Variants in SLC25A31 observed in about 807,000 individuals in gnomAD.
SLC25A31 encodes the protein ADP/ATP translocase 4.
SLC25A31 carries 40 observed loss-of-function variants against 36.2 expected under a neutral mutation model. The observed-to-expected ratio is 1.10, with a 90% CI of 0.86 to 1.44. SLC25A31 has a LOEUF of 1.44. Among genes scored for constraint, SLC25A31 ranks in the 40% most tolerant of loss-of-function variants. The pLI is 0.00. For synonymous variants in SLC25A31, 143 were observed against 149.7 expected (o/e 0.96, Z 0.32); for missense variants, 350 against 397.1 (o/e 0.88, Z 1.01).
rs570643376 is a variant in SLC25A31, at chr4:127,763,702, T to C, written c.361-541T>C. Among the ~76,000 whole-genome samples the C allele has an allele frequency of 7.2e-5, 11 of 152,330 alleles. No homozygotes were observed. In the East Asian group the frequency reaches 2.1e-3, roughly 29 times the overall value. Reference sequence around the variant, plus strand: ...TCATTTGAACATAATTAAATACGTATTTTTGAGCTATTCAAATTTAATTCT... The same window carrying C: ...TCATTTGAACATAATTAAATACGTACTTTTGAGCTATTCAAATTTAATTCT... On this transcript the variant is annotated intron_variant, in intron 2 of 5. Coordinates refer to ENST00000281154, the MANE Select transcript of SLC25A31 (RefSeq NM_031291.4).
intron 2 of SLC25A31, among the ~76,000 whole-genome samples, chr4:127,755,865 T>C (rs1246477565): frequency 6.6e-6 from 1 of 152,158 alleles, no homozygotes; most frequent in Admixed American, 6.5e-5. Context: ...AAACTCCATC[T>C]CTACTAAAAA....
chr4:127,770,794 A>C (rs1732341897), intron 5 of SLC25A31, among the ~76,000 whole-genome samples: 1 of 152,054 alleles, frequency 6.6e-6, no homozygotes, highest in African/African-American at 2.4e-5. Context: ...TGGTTTGCTT[A>C]AACAACAAAT....
intron 2 of SLC25A31, among the ~76,000 whole-genome samples, chr4:127,754,453 A>G (rs186370735): frequency 4.9e-4 from 75 of 152,278 alleles, no homozygotes; most frequent in African/African-American, 1.6e-3. Flanking sequence ...AGGATACAAA[A>G]TTAACATGCA....
intron 2 of SLC25A31, among the ~76,000 whole-genome samples, chr4:127,754,061 A>T (rs569174361): frequency 1.5e-4 from 23 of 152,158 alleles, no homozygotes; most frequent in Non-Finnish European, 2.6e-4. Flanking sequence ...CCATAGCAGC[A>T]TCTGAGTAGA....
intron 2 of SLC25A31, among the ~76,000 whole-genome samples, chr4:127,761,274 C>T (rs559917605): frequency 3.9e-5 from 6 of 152,044 alleles, no homozygotes; most frequent in African/African-American, 9.6e-5. Flanking sequence ...TGATTATCCA[C>T]GCCAAAAATC....
intron 1 of SLC25A31, among the ~76,000 whole-genome samples, chr4:127,736,744 T>C (rs1731639746): frequency 6.6e-6 from 1 of 152,218 alleles, no homozygotes; most frequent in South Asian, 2.1e-4. Context: ...AAGAAGATAA[T>C]GCATGTAAAA....
chr4:127,741,537 G>A (rs1429864330), intron 1 of SLC25A31, among the ~76,000 whole-genome samples: 1 of 152,138 alleles, frequency 6.6e-6, no homozygotes, highest in African/African-American at 2.4e-5. Flanking sequence ...TGTGCATGTT[G>A]AGCCATCCTT....
intron 3 of SLC25A31, 85 bp downstream of exon 3, chr4:127,764,445 G>A (rs1732201560): frequency 8.8e-7 from 1 of 1,131,562 alleles, no homozygotes; most frequent in Admixed American, 1.9e-5. Context: ...TGCTATAATA[G>A]TGTTACCAGA....
intron 1 of SLC25A31, among the ~76,000 whole-genome samples, chr4:127,731,432 G>T (rs1335058481): frequency 6.6e-6 from 1 of 152,092 alleles, no homozygotes; most frequent in Non-Finnish European, 1.5e-5. Context: ...GCCAGGCGCG[G>T]TGGCTCACGC....
At chr4:127,766,144 TTTTA>T (rs1328312053) in intron 3 of SLC25A31, among the ~76,000 whole-genome samples, 1 of 92,156 alleles carries the variant, frequency 1.1e-5, no homozygotes, top group Admixed American at 1.2e-4. Context: ...CCTGGAGTTT[TTTTA>T]TTTGTTTTTT....
chr4:127,764,286 C>A lies in SLC25A31; in HGVS notation c.404C>A (p.Ala135Asp). 6.2e-7 allele frequency: 1 copy of A among 1,613,954 alleles called. No homozygotes were observed. Among genetic ancestry groups the A allele is most frequent in the Non-Finnish European group, 8.5e-7 (1 of 1,179,924 alleles). ...GCAAACCTGGCTTCTGGTGGAGCTG[C>A]TGGGGCAACATCCTTATGTGTAGTA... Reference protein sequence around the residue: ...FLANLASGGAAGATSLCVVYP... With the variant: ...FLANLASGGADGATSLCVVYP... Residue 135 changes from alanine to aspartate, a missense_variant, in exon 3 of 6, where the codon GCT becomes GAT. By Grantham distance (126) the Ala-to-Asp change is moderately radical. Transcript: ENST00000281154.
Position 127,730,769 on chromosome 4 carries a change from G to C in SLC25A31, c.224G>C (p.Arg75Pro), listed in dbSNP as rs754865784. Residue 75 changes from arginine to proline, a missense_variant, in exon 1 of 6, where the codon CGC (arginine) becomes CCC (proline). Transcript: ENST00000281154. The stretch of plus-strand genomic sequence containing the variant: ...GTGGACTGCCTGGTGCGGATTCCTC[G>C]CGAGCAGGGTGCGTCAAGGCAGGCC... The part of the protein sequence containing the change: ...GMVDCLVRIP[R>P]EQGFFSFWRG... 2 of 1,609,462 alleles carry C rather than the reference G, an allele frequency of 1.2e-6. No homozygotes were observed. Among genetic ancestry groups the C allele is most frequent in the Non-Finnish European group, 1.7e-6 (2 of 1,176,848 alleles).
rs1243578074 is a variant in SLC25A31, at chr4:127,767,205, T to TCATA, written c.618_619insCATA (p.Tyr207HisfsTer3). 3.1e-6 allele frequency: 5 copies of TCATA among 1,600,164 alleles called. No individual in the cohort carries two copies. The highest frequency in any genetic ancestry group is 4.3e-6 in the Non-Finnish European group (5 of 1,173,422). ...TGTACCGAGCCTCTTATTTTGGAGCTTATGACACAGTTAAGGTAATCTGGG... is the reference window on the plus strand; with the variant it reads ...TGTACCGAGCCTCTTATTTTGGAGCTCATATATGACACAGTTAAGGTAATCTGGG... On this transcript the variant is annotated frameshift_variant, in exon 4 of 6. Coordinates refer to ENST00000281154, the MANE Select transcript of SLC25A31 (RefSeq NM_031291.4). LOFTEE classifies it high-confidence loss of function.
At chr4:127,771,106 G>A (rs955936247) in intron 5 of SLC25A31, among the ~76,000 whole-genome samples, 9 of 151,576 alleles carry the variant, frequency 5.9e-5, no homozygotes, top group African/African-American at 1.9e-4. Flanking sequence ...ACAGGCACAC[G>A]CTGCCACACC....
At chr4:127,768,987 T>TTGAAAGGCATA in intron 5 of SLC25A31, 110 bp downstream of exon 5, 1 of 991,232 alleles carries the variant, frequency 1.0e-6, no homozygotes, top group African/African-American at 1.7e-5. Context: ...TCATTTGTTT[T>TTGAAAGGCATA]ACTTAGCTAA....
intron 3 of SLC25A31, among the ~76,000 whole-genome samples, chr4:127,766,344 T>A (rs1437805528): frequency 2.0e-5 from 3 of 151,924 alleles, no homozygotes; most frequent in Admixed American, 2.0e-4. Flanking sequence ...ATTTTTGTAT[T>A]TTTAATCGAG....
chr4:127,730,816 G>T, intron 1 of SLC25A31, 39 bp downstream of exon 1: 2 of 1,550,020 alleles, frequency 1.3e-6, no homozygotes, highest in Non-Finnish European at 1.8e-6. Context: ...CTCTCCCGGC[G>T]CCCTCGTCAG....
chr4:127,749,545 A>G (rs1220965106), intron 2 of SLC25A31, among the ~76,000 whole-genome samples: 1 of 152,074 alleles, frequency 6.6e-6, no homozygotes, highest in East Asian at 1.9e-4. Flanking sequence ...GCAGATCGAG[A>G]CCATCCTGGC....
chr4:127,765,932 A>T (rs972122554), intron 3 of SLC25A31, among the ~76,000 whole-genome samples: 1 of 152,142 alleles, frequency 6.6e-6, no homozygotes, highest in Non-Finnish European at 1.5e-5. Context: ...TCTCTTTCAA[A>T]TCAGGAAGAT....
Sources: allele counts gnomAD v4.1 joint callset (sites outside exome capture counted in the v4.1 genomes callset), GRCh38; gene constraint gnomAD v4.1.1; transcripts MANE v1.5; gene names NCBI Gene and HGNC (gene_info 2026-07-23, HGNC 2026-07-21).